Variants in ACTR3C observed in about 807,000 individuals in gnomAD.
The protein encoded by ACTR3C is actin related protein 3C.
A neutral mutation model predicts 26.3 loss-of-function variants in ACTR3C; 18 were observed. The ratio of observed to expected loss-of-function variants is 0.68; its 90% CI spans 0.47 to 1.01. The LOEUF is 1.01. ACTR3C is among the 50% of genes least tolerant of loss of function. The pLI is 0.00. For missense variants in ACTR3C, 184 were observed against 250.7 expected (o/e 0.73, Z 1.80); for synonymous variants, 55 against 94.5 (o/e 0.58, Z 2.42).
At chr7:149,983,896 G>T in the ACTR3C span, among the ~76,000 whole-genome samples, 2 of 152,126 alleles carry the variant, frequency 1.3e-5, no homozygotes, top group Non-Finnish European at 2.9e-5. Context: ...ACCCTACATG[G>T]TTCCACTTCC....
the ACTR3C span, among the ~76,000 whole-genome samples, chr7:150,035,716 G>T: frequency 0.028 from 3,877 of 139,540 alleles, 699 homozygotes; most frequent in Non-Finnish European, 0.05. Context: ...AAGCCAGGGG[G>T]TGAAGATGGT....
chr7:150,041,324 G>A, the ACTR3C span: 10 of 150,468 alleles, frequency 6.6e-5, no homozygotes, highest in African/African-American at 7.5e-5. Flanking sequence ...CTTAAGCTCC[G>A]GTAGATTGCA....
chr7:149,922,062 A>G, the ACTR3C span, among the ~76,000 whole-genome samples: 1 of 143,286 alleles, frequency 7.0e-6, no homozygotes, highest in Non-Finnish European at 1.6e-5. Flanking sequence ...TTGCTTGCTC[A>G]GTAACAACTC....
the ACTR3C span, among the ~76,000 whole-genome samples, chr7:150,185,063 T>C: frequency 6.6e-6 from 1 of 151,688 alleles, no homozygotes. Flanking sequence ...AAGGACTGAT[T>C]GGCTTAACTA....
the ACTR3C span, among the ~76,000 whole-genome samples, chr7:149,914,129 T>C: frequency 2.0e-5 from 3 of 151,512 alleles, no homozygotes; most frequent in Non-Finnish European, 4.4e-5. Context: ...GCTCAAGGGA[T>C]CCTCCCACCT....
At chr7:150,093,043 T>C in the ACTR3C span, among the ~76,000 whole-genome samples, 1 of 151,448 alleles carries the variant, frequency 6.6e-6, no homozygotes, top group African/African-American at 2.5e-5. Flanking sequence ...TGGAATAATA[T>C]GTTAACTAAT....
At chr7:150,319,395 C>T (rs1469143816) in intron 1 of ACTR3C, among the ~76,000 whole-genome samples, 1 of 152,046 alleles carries the variant, frequency 6.6e-6, no homozygotes, top group South Asian at 2.1e-4. Flanking sequence ...TTAGTAGAAA[C>T]GGGGTTTCTC....
At chr7:149,982,172 G>A in the ACTR3C span, among the ~76,000 whole-genome samples, 3 of 152,194 alleles carry the variant, frequency 2.0e-5, no homozygotes, top group Non-Finnish European at 2.9e-5. Context: ...ACATCAGTAT[G>A]GAGAGTGCAG....
chr7:149,984,833 G>A, the ACTR3C span, among the ~76,000 whole-genome samples: 1 of 152,148 alleles, frequency 6.6e-6, no homozygotes, highest in African/African-American at 2.4e-5. Context: ...AGAATCTGGG[G>A]GAGTAAAGGA....
the ACTR3C span, among the ~76,000 whole-genome samples, chr7:150,039,741 G>GT: frequency 7.3e-6 from 1 of 137,578 alleles, no homozygotes; most frequent in African/African-American, 2.6e-5. Flanking sequence ...CTCGCGGGGG[G>GT]TGCCTCCCCC....
chr7:150,114,701 A>G, the ACTR3C span, among the ~76,000 whole-genome samples: 1 of 152,264 alleles, frequency 6.6e-6, no homozygotes, highest in Non-Finnish European at 1.5e-5. Context: ...TAGGTCAGAC[A>G]TCAGAATGTG....
the ACTR3C span, among the ~76,000 whole-genome samples, chr7:150,186,067 G>C: frequency 2.0e-5 from 3 of 152,178 alleles, no homozygotes; most frequent in Non-Finnish European, 4.4e-5. Context: ...GGTCAGTCCA[G>C]AGCTGGTGGA....
the ACTR3C span, among the ~76,000 whole-genome samples, chr7:150,085,562 A>G: frequency 6.6e-6 from 1 of 152,214 alleles, no homozygotes; most frequent in Non-Finnish European, 1.5e-5. Context: ...TTTGAGAACA[A>G]CAACCAATAT....
the ACTR3C span, among the ~76,000 whole-genome samples, chr7:149,890,010 A>T: frequency 1.4e-4 from 21 of 152,268 alleles, no homozygotes; most frequent in African/African-American, 4.6e-4. Flanking sequence ...ACTGGCTTTA[A>T]TATACATTAA....
At chr7:150,054,610 C>T in the ACTR3C span, among the ~76,000 whole-genome samples, 1 of 152,218 alleles carries the variant, frequency 6.6e-6, no homozygotes, top group Non-Finnish European at 1.5e-5. Context: ...CTTAGCCGAG[C>T]CCAGTGTAGA....
chr7:150,020,966 A>G, the ACTR3C span, among the ~76,000 whole-genome samples: 1 of 151,780 alleles, frequency 6.6e-6, no homozygotes, highest in East Asian at 1.9e-4. Flanking sequence ...GATTACAGGC[A>G]CCCGCCACCG....
the ACTR3C span, among the ~76,000 whole-genome samples, chr7:149,934,119 C>G: frequency 6.6e-6 from 1 of 152,132 alleles, no homozygotes; most frequent in South Asian, 2.1e-4. Context: ...CAATGCTAGT[C>G]AGACTCCAGG....
At chr7:149,910,371 C>T in the ACTR3C span, among the ~76,000 whole-genome samples, 1 of 152,176 alleles carries the variant, frequency 6.6e-6, no homozygotes, top group African/African-American at 2.4e-5. Context: ...TGTCAAGACA[C>T]TGCATGATAG....
chr7:149,930,675 G>C, the ACTR3C span, among the ~76,000 whole-genome samples: 56 of 152,354 alleles, frequency 3.7e-4, 1 homozygote, highest in Admixed American at 1.4e-3. Flanking sequence ...TGAATGGTCT[G>C]TTCGCTGGTG....
Sources: gnomAD v4.1 joint callset for allele counts (sites outside exome capture counted in the v4.1 genomes callset) on GRCh38, gnomAD v4.1.1 for gene constraint, MANE v1.5 for transcripts, NCBI Gene and HGNC (gene_info 2026-07-23, HGNC 2026-07-21) for gene names.